DGKB: variants seen among roughly 807,000 people sequenced by gnomAD.
DGKB encodes the protein 90 kDa diacylglycerol kinase.
In DGKB, 67 loss-of-function variants were observed where a neutral mutation model predicts 114.3. The ratio of observed to expected loss-of-function variants is 0.59; its 90% CI spans 0.48 to 0.72. The LOEUF (loss-of-function observed/expected upper bound fraction) is 0.72. Ranked by LOEUF, DGKB falls within the 30% of genes least tolerant of loss-of-function variation. The pLI is 0.00. For missense variants in DGKB, 907 were observed against 975.2 expected (o/e 0.93, Z 0.93); for synonymous variants, 398 against 323.1 (o/e 1.23, Z -2.49).
intron 1 of DGKB, among the ~76,000 whole-genome samples, chr7:14,872,976 A>G (rs1377381454): frequency 6.6e-6 from 1 of 152,094 alleles, no homozygotes; most frequent in Non-Finnish European, 1.5e-5. Context: ...AATGATAATC[A>G]TAACACATTA....
chr7:14,455,523 C>T (rs568585139), intron 21 of DGKB, among the ~76,000 whole-genome samples: 2 of 152,026 alleles, frequency 1.3e-5, no homozygotes, highest in African/African-American at 4.8e-5. Flanking sequence ...ATTTCCAGTA[C>T]ATATACTGGT....
At chr7:14,291,564 C>T (rs536706926) in intron 23 of DGKB, among the ~76,000 whole-genome samples, 1 of 152,238 alleles carries the variant, frequency 6.6e-6, no homozygotes, top group East Asian at 1.9e-4. Context: ...AGGGAATCTA[C>T]AGTTTTTGAG....
At chr7:14,713,785 T>C (rs1827747242) in intron 6 of DGKB, among the ~76,000 whole-genome samples, 1 of 151,994 alleles carries the variant, frequency 6.6e-6, no homozygotes. Context: ...CATATGTCAG[T>C]TATCTACTTT....
At chr7:14,340,203 C>T (rs35612883) in intron 22 of DGKB, among the ~76,000 whole-genome samples, 13,166 of 129,654 alleles carry the variant, frequency 0.1, 790 homozygotes, top group South Asian at 0.15. Context: ...TGCTTTTTTC[C>T]TCCTTTTCTG....
At chr7:14,218,573 T>G (rs927828386) in intron 23 of DGKB, among the ~76,000 whole-genome samples, 20 of 152,164 alleles carry the variant, frequency 1.3e-4, no homozygotes, top group African/African-American at 4.3e-4. Context: ...ATACCTGATC[T>G]GCTTTGAAAG....
intron 1 of DGKB, among the ~76,000 whole-genome samples, chr7:14,874,193 A>G (rs1175011305): frequency 1.3e-5 from 2 of 152,074 alleles, no homozygotes; most frequent in East Asian, 3.8e-4. Context: ...AATACGTACA[A>G]ATTCAGAGCC....
At chr7:14,384,999 AGGTAAAAATAATTGTGGCATTC>A (rs761141526) in intron 21 of DGKB, among the ~76,000 whole-genome samples, 12 of 152,190 alleles carry the variant, frequency 7.9e-5, no homozygotes, top group Non-Finnish European at 1.5e-4. Flanking sequence ...CTTTCCTTAA[AGGTAAAAATAATTGTGGCATTC>A]GGTAAAAATA....
At chr7:14,359,993 T>C (rs1815378878) in intron 21 of DGKB, among the ~76,000 whole-genome samples, 1 of 152,112 alleles carries the variant, frequency 6.6e-6, no homozygotes, top group Non-Finnish European at 1.5e-5. Flanking sequence ...TAAATCATGC[T>C]ACGATAAAGA....
intron 23 of DGKB, among the ~76,000 whole-genome samples, chr7:14,305,655 C>A (rs925704824): frequency 3.3e-5 from 5 of 152,106 alleles, no homozygotes; most frequent in African/African-American, 1.2e-4. Flanking sequence ...TGCTACTGGC[C>A]TCAGGGTTGA....
chr7:14,649,807 C>A (rs1814022181), intron 13 of DGKB, among the ~76,000 whole-genome samples: 1 of 140,994 alleles, frequency 7.1e-6, no homozygotes, highest in Non-Finnish European at 1.5e-5. Context: ...GAAGATCTAC[C>A]AAGCAAATGG....
intron 22 of DGKB, among the ~76,000 whole-genome samples, chr7:14,343,022 G>A (rs1305057891): frequency 6.6e-6 from 1 of 151,576 alleles, no homozygotes; most frequent in Non-Finnish European, 1.5e-5. Flanking sequence ...ACAACAAACA[G>A]AATCAAATTT....
At position 14,618,411 on chromosome 7, in the gene DGKB, G is replaced by A. The variant is rs1463161627; in HGVS notation, c.1284+2967C>T. Among the ~76,000 whole-genome samples the A allele has an allele frequency of 2.0e-5, 3 of 151,428 alleles. No homozygotes were observed. In the East Asian group the frequency reaches 5.8e-4, roughly 29 times the overall value. On this transcript the variant is annotated intron_variant, in intron 15 of 25. Coordinates refer to ENST00000402815, the MANE Select transcript of DGKB (RefSeq NM_001350709.2). Reference sequence around the variant, plus strand: ...AAACTAGATTCGTTACTTCTTAAATGACCCTTTTATTTGGAAATGTTTCTC... The same window carrying A: ...AAACTAGATTCGTTACTTCTTAAATAACCCTTTTATTTGGAAATGTTTCTC...
intron 4 of DGKB, chr7:14,750,077 T>A (rs1000886182): frequency 1.1e-4 from 54 of 511,672 alleles, no homozygotes; most frequent in South Asian, 7.3e-4. Context: ...TGTGCTATCA[T>A]TTAGTCATCA....
At chr7:14,329,754 G>A (rs574608495) in intron 23 of DGKB, among the ~76,000 whole-genome samples, 12 of 151,954 alleles carry the variant, frequency 7.9e-5, no homozygotes, top group Non-Finnish European at 1.6e-4. Flanking sequence ...AATTTGTATG[G>A]ATAGCCTCAT....
intron 22 of DGKB, among the ~76,000 whole-genome samples, chr7:14,342,532 C>A (rs1354657993): frequency 6.6e-6 from 1 of 151,770 alleles, no homozygotes; most frequent in Non-Finnish European, 1.5e-5. Context: ...TTAAAAAATT[C>A]TACTTCGTGT....
At position 14,766,186 on chromosome 7, in the gene DGKB, G is replaced by A. The variant is rs116010235; in HGVS notation, c.71-8455C>T. Among the ~76,000 whole-genome samples, 1,116 of 152,060 alleles carry A rather than the reference G, an allele frequency of 7.3e-3. 6 individuals are homozygous for A. The highest frequency in any genetic ancestry group is 0.025 in the African/African-American group (1,057 of 41,532). On this transcript the variant is annotated intron_variant, in intron 2 of 25. Coordinates refer to ENST00000402815, the MANE Select transcript of DGKB (RefSeq NM_001350709.2). ...ACCTATTGAGTTTAGAACAAGTACT[G>A]TTCCAACTATTGGAATATATCATTG...
At chr7:14,888,273 G>C (rs1163868855) in intron 1 of DGKB, among the ~76,000 whole-genome samples, 1 of 151,704 alleles carries the variant, frequency 6.6e-6, no homozygotes, top group African/African-American at 2.4e-5. Context: ...TCCAAAGGTA[G>C]GCATGATACA....
chr7:14,323,221 A>G (rs1472068713), intron 23 of DGKB, among the ~76,000 whole-genome samples: 1 of 152,218 alleles, frequency 6.6e-6, no homozygotes, highest in African/African-American at 2.4e-5. Flanking sequence ...TAATTCTACT[A>G]TAAAATATAA....
chr7:14,502,863 G>C (rs1223352568), intron 20 of DGKB, among the ~76,000 whole-genome samples: 1 of 151,922 alleles, frequency 6.6e-6, no homozygotes, highest in African/African-American at 2.4e-5. Context: ...AACATAGCTA[G>C]GATTCTGGCT....
Sources: allele counts gnomAD v4.1 joint callset (sites outside exome capture counted in the v4.1 genomes callset), GRCh38; gene constraint gnomAD v4.1.1; transcripts MANE v1.5; gene names NCBI Gene and HGNC (gene_info 2026-07-23, HGNC 2026-07-21).